ECM2: variants seen among roughly 807,000 people sequenced by gnomAD.
The protein encoded by ECM2 is extracellular matrix protein 2, female organ and adipocyte specific.
ECM2 carries 57 observed loss-of-function variants against 67.5 expected under a neutral mutation model. The ratio of observed to expected loss-of-function variants is 0.84; its 90% confidence interval spans 0.68 to 1.05. ECM2 has a LOEUF of 1.05. ECM2 is among the 50% of genes least tolerant of loss of function. The pLI, the probability that ECM2 is intolerant of heterozygous loss-of-function variation, is 0.00. For missense variants in ECM2, 741 were observed against 822.8 expected (o/e 0.90, Z 1.22); for synonymous variants, 258 against 294.5 (o/e 0.88, Z 1.27).
Position 92,495,352 on chromosome 9 carries a change from C to T in ECM2, c.*963G>A. On this transcript the variant is annotated 3_prime_UTR_variant, in exon 10 of 10. Transcript: ENST00000344604. ...ATTTTAATATATGATTTTGGTAGGG[C>T]CAATACATAGTAAAGACATAGCTTT... 3.1e-6 allele frequency: 3 copies of T among 958,432 alleles called. No individual in the cohort carries two copies. Among genetic ancestry groups the T allele is most frequent in the Non-Finnish European group, 3.7e-6 (3 of 805,560 alleles). 59.4% of individuals were successfully genotyped at this position (958,432 alleles called of 1,614,324 possible).
chr9:92,533,328 A>AAAAAAAAAAAAAAAATATATAT (rs1554683138), intron 1 of ECM2, among the ~76,000 whole-genome samples: 1 of 38,332 alleles, frequency 2.6e-5, no homozygotes, highest in Admixed American at 3.4e-4. Context: ...AAAAAAAAAA[A>AAAAAAAAAAAAAAAATATATAT]ATATATATAT....
chr9:92,522,880 C>T lies in ECM2; in HGVS notation c.-14G>A. 6.3e-7 allele frequency: 1 copy of T among 1,580,956 alleles called. No homozygotes were observed. Among genetic ancestry groups the T allele is most frequent in the Non-Finnish European group, 8.6e-7 (1 of 1,168,964 alleles). ...TGCAATCTTCATGTTTGATTTTTTT[C>T]CACCAGCCAATTTCTAGAATGAAAC... On this transcript the variant is annotated 5_prime_UTR_variant, in exon 2 of 10. Coordinates refer to ENST00000344604, the MANE Select transcript of ECM2 (RefSeq NM_001393.4).
At chr9:92,508,521 T>C (rs1847145449) in intron 6 of ECM2, among the ~76,000 whole-genome samples, 1 of 152,196 alleles carries the variant, frequency 6.6e-6, no homozygotes, top group Admixed American at 6.5e-5. Flanking sequence ...CAACTAAAAG[T>C]GTGACTGACT....
chr9:92,501,927 T>C (rs1362151043), intron 8 of ECM2, among the ~76,000 whole-genome samples: 1 of 152,228 alleles, frequency 6.6e-6, no homozygotes, highest in Non-Finnish European at 1.5e-5. Context: ...GAGTCTACTT[T>C]TGGCCTGCAC....
At chr9:92,531,082 A>T (rs1016762112) in intron 1 of ECM2, among the ~76,000 whole-genome samples, 2 of 152,006 alleles carry the variant, frequency 1.3e-5, no homozygotes, top group South Asian at 4.2e-4. Context: ...CAGTTTAACA[A>T]TTTTTGTCTT....
At chr9:92,536,708 G>A (rs1849181015), upstream of ECM2, 1 of 151,990 alleles carries the variant, frequency 6.6e-6, no homozygotes, top group East Asian at 1.9e-4. Context: ...TGTTTATGAG[G>A]GACCTTGAGT....
chr9:92,518,974 T>C (rs1847899172), intron 2 of ECM2, among the ~76,000 whole-genome samples: 1 of 152,194 alleles, frequency 6.6e-6, no homozygotes, highest in Non-Finnish European at 1.5e-5. Context: ...TGGATAAGTG[T>C]ATCAGCTAAG....
intron 5 of ECM2, among the ~76,000 whole-genome samples, chr9:92,510,476 A>G (rs1314795950): frequency 1.3e-5 from 2 of 152,240 alleles, no homozygotes. Flanking sequence ...TCAGTTTTTT[A>G]TCTACTCCAG....
intron 9 of ECM2, among the ~76,000 whole-genome samples, chr9:92,499,195 T>C (rs10992355): frequency 0.058 from 8,820 of 152,238 alleles, 918 homozygotes; most frequent in East Asian, 0.44. Flanking sequence ...ACTGCTTACA[T>C]GAAAGCCTAA....
At chr9:92,496,839 C>T (rs539120645) in intron 9 of ECM2, among the ~76,000 whole-genome samples, 1 of 152,112 alleles carries the variant, frequency 6.6e-6, no homozygotes. Context: ...ACAAAGGCTT[C>T]CTAAGAATCT....
chr9:92,523,976 G>A (rs1848232896), intron 1 of ECM2, among the ~76,000 whole-genome samples: 1 of 152,194 alleles, frequency 6.6e-6, no homozygotes, highest in Non-Finnish European at 1.5e-5. Context: ...GTAAACAAAT[G>A]AGCATGGATG....
At chr9:92,499,428 A>G (rs1173819475) in intron 9 of ECM2, among the ~76,000 whole-genome samples, 4 of 152,200 alleles carry the variant, frequency 2.6e-5, no homozygotes. Flanking sequence ...GAAATTCATC[A>G]TTTTGTTACC....
chr9:92,530,173 C>T (rs1848657409), intron 1 of ECM2, among the ~76,000 whole-genome samples: 2 of 152,032 alleles, frequency 1.3e-5, no homozygotes, highest in South Asian at 4.2e-4. Flanking sequence ...ACCAGTCCCC[C>T]AAGGGTACCA....
Position 92,514,863 on chromosome 9 carries a change from ATCCTCC to A in ECM2, c.816_821del (p.Glu272_Glu273del), listed in dbSNP as rs752071573. ...CACCCTCCTCACCCTCCTCCTCCTC[ATCCTCC>A]TCCTCCTCCCTTCCTTGGCGTTGTT... On this transcript the variant is annotated inframe_deletion, in exon 4 of 10. Coordinates refer to ENST00000344604, the MANE Select transcript of ECM2 (RefSeq NM_001393.4). 6.2e-7 allele frequency: 1 copy of A among 1,608,214 alleles called. No individual in the cohort carries two copies. The highest frequency in any genetic ancestry group is 8.5e-7 in the Non-Finnish European group (1 of 1,176,656).
the ECM2 span, among the ~76,000 whole-genome samples, chr9:92,545,068 A>G: frequency 6.6e-6 from 1 of 152,198 alleles, no homozygotes; most frequent in Non-Finnish European, 1.5e-5. Context: ...AAATCTTAAG[A>G]GGTGACAGCC....
rs78372603 is a variant in ECM2, at chr9:92,523,126, G to A, written c.-27-233C>T. On this transcript the variant is annotated intron_variant, in intron 1 of 9. Coordinates refer to ENST00000344604, the MANE Select transcript of ECM2 (RefSeq NM_001393.4). ...GATGGGGTCTTGCTCCATCGCCCAG[G>A]CTGGAGTGCAGTGGTTCAGTCATGA... 4.6e-3 allele frequency among the ~76,000 whole-genome samples: 704 copies of A among 151,790 alleles called. 4 individuals carry two copies. The highest frequency in any genetic ancestry group is 0.015 in the African/African-American group (606 of 41,358).
the ECM2 span, among the ~76,000 whole-genome samples, chr9:92,557,195 A>G: frequency 6.6e-6 from 1 of 152,214 alleles, no homozygotes; most frequent in East Asian, 1.9e-4. Flanking sequence ...ATCTGCTGTT[A>G]ATCTGATAGG....
At chr9:92,516,942 T>TAG in intron 3 of ECM2, 1 of 152,424 alleles carries the variant, frequency 6.6e-6, no homozygotes, top group Non-Finnish European at 1.5e-5. Context: ...AAGATGTCCC[T>TAG]ATCCCTTCCC....
intron 7 of ECM2, among the ~76,000 whole-genome samples, chr9:92,503,557 A>G (rs191859861): frequency 1.5e-3 from 235 of 152,372 alleles, no homozygotes; most frequent in African/African-American, 5.5e-3. Flanking sequence ...TAAGTTTTTA[A>G]TAGCTAGCTG....
Sources: allele counts gnomAD v4.1 joint callset (sites outside exome capture counted in the v4.1 genomes callset), GRCh38; gene constraint gnomAD v4.1.1; transcripts MANE v1.5; gene names NCBI Gene and HGNC (gene_info 2026-07-23, HGNC 2026-07-21).